Variants in PPP2R2B observed in about 807,000 individuals in gnomAD.
PPP2R2B encodes the protein protein phosphatase 2 regulatory subunit Bbeta.
A neutral mutation model predicts 46.0 loss-of-function variants in PPP2R2B; 5 were observed. The ratio of observed to expected loss-of-function variants is 0.11; its 90% CI spans 0.06 to 0.23. PPP2R2B has a LOEUF of 0.23. Ranked by LOEUF, PPP2R2B falls within the 10% of genes least tolerant of loss-of-function variation. The pLI, the probability that PPP2R2B is intolerant of heterozygous loss-of-function variation, is 1.00. For missense variants in PPP2R2B, 367 were observed against 575.0 expected (o/e 0.64, Z 3.70); for synonymous variants, 215 against 206.7 (o/e 1.04, Z -0.34).
intron 4 of PPP2R2B, among the ~76,000 whole-genome samples, chr5:146,697,283 G>A (rs909910091): frequency 3.9e-5 from 6 of 152,074 alleles, no homozygotes; most frequent in African/African-American, 9.7e-5. Flanking sequence ...AGCTTAGATG[G>A]CTTCTTTTAG....
At chr5:146,876,487 C>T (rs972312908) in intron 2 of PPP2R2B, among the ~76,000 whole-genome samples, 3 of 152,202 alleles carry the variant, frequency 2.0e-5, no homozygotes, top group Non-Finnish European at 4.4e-5. Flanking sequence ...GCCAACTTCT[C>T]TCTTGGATGA....
Position 146,588,935 on chromosome 5 carries a change from A to AG in PPP2R2B, c.*1011dup, listed in dbSNP as rs550786809. ...ACTTTTGGTTACCAAAACCAGGAGG[A>AG]GGGGAGGGTGCTGCTTAGGAGAAAC... is the stretch of plus-strand genomic sequence containing the variant. On this transcript the variant is annotated 3_prime_UTR_variant, in exon 10 of 10. Transcript: ENST00000394411. The AG allele has an allele frequency of 1.2e-3, 185 of 152,260 alleles. No individual in the cohort carries two copies. The highest frequency in any genetic ancestry group is 4.3e-3 in the African/African-American group (180 of 41,512). The allele number at this position is 152,260 out of a possible 1,614,324, so 9.4% of individuals were successfully genotyped here.
At chr5:146,778,744 A>C (rs992565757) in intron 2 of PPP2R2B, among the ~76,000 whole-genome samples, 1 of 152,256 alleles carries the variant, frequency 6.6e-6, no homozygotes, top group African/African-American at 2.4e-5. Flanking sequence ...CACAGTCATC[A>C]GAATACATAA....
intron 8 of PPP2R2B, among the ~76,000 whole-genome samples, chr5:146,593,883 A>C (rs533118448): frequency 1.3e-5 from 2 of 152,340 alleles, no homozygotes; most frequent in East Asian, 3.9e-4. Flanking sequence ...ATGGATCCTA[A>C]GGGTGCAAAG....
At chr5:146,829,900 T>C (rs1244975402) in intron 2 of PPP2R2B, among the ~76,000 whole-genome samples, 1 of 152,214 alleles carries the variant, frequency 6.6e-6, no homozygotes, top group Non-Finnish European at 1.5e-5. Context: ...CTCATTGTGT[T>C]TCATGTTTGC....
intron 1 of PPP2R2B, among the ~76,000 whole-genome samples, chr5:146,942,580 A>G (rs1455434477): frequency 6.6e-6 from 1 of 152,168 alleles, no homozygotes; most frequent in Non-Finnish European, 1.5e-5. Flanking sequence ...ATGCATTTTT[A>G]TACATATTAT....
chr5:146,861,465 A>G (rs535038611), intron 2 of PPP2R2B, among the ~76,000 whole-genome samples: 42 of 152,286 alleles, frequency 2.8e-4, no homozygotes, highest in African/African-American at 8.9e-4. Flanking sequence ...TTCTGGGATT[A>G]CAGGCGTGAG....
At chr5:146,816,409 A>G (rs1757936455) in intron 2 of PPP2R2B, among the ~76,000 whole-genome samples, 3 of 152,194 alleles carry the variant, frequency 2.0e-5, no homozygotes, top group South Asian at 4.1e-4. Flanking sequence ...AAAAACAACA[A>G]TACTGAAACA....
At chr5:146,890,902 T>G (rs1375394143) in intron 1 of PPP2R2B, among the ~76,000 whole-genome samples, 1 of 152,118 alleles carries the variant, frequency 6.6e-6, no homozygotes, top group African/African-American at 2.4e-5. Flanking sequence ...GCAACATAGT[T>G]TAGAGCACTT....
intron 1 of PPP2R2B, among the ~76,000 whole-genome samples, chr5:146,945,518 A>G (rs142575996): frequency 6.6e-5 from 10 of 152,298 alleles, no homozygotes; most frequent in African/African-American, 2.4e-4. Flanking sequence ...TATATTGACT[A>G]CCTTGCTCCC....
At chr5:146,867,874 A>G (rs1261083137) in intron 2 of PPP2R2B, among the ~76,000 whole-genome samples, 1 of 152,200 alleles carries the variant, frequency 6.6e-6, no homozygotes, top group Admixed American at 6.5e-5. Context: ...TTGAATTGTT[A>G]AATTTTCTTT....
intron 2 of PPP2R2B, among the ~76,000 whole-genome samples, chr5:146,757,581 A>T (rs892789926): frequency 6.6e-6 from 1 of 152,156 alleles, no homozygotes; most frequent in African/African-American, 2.4e-5. Flanking sequence ...GAAAACATAG[A>T]TGGCCTCACT....
chr5:146,701,292 C>A, intron 2 of PPP2R2B, 150 bp from the exon 3 acceptor site: 2 of 813,786 alleles, frequency 2.5e-6, no homozygotes, highest in South Asian at 1.4e-5. Flanking sequence ...GTTTTAAATG[C>A]CACCAGAAGT....
intron 1 of PPP2R2B, among the ~76,000 whole-genome samples, chr5:146,983,391 AG>A: frequency 6.6e-6 from 1 of 152,182 alleles, no homozygotes; most frequent in Non-Finnish European, 1.5e-5. Context: ...CATGTTAGCC[AG>A]GATGGTCTTG....
chr5:146,890,760 A>C (rs900678522), intron 1 of PPP2R2B, among the ~76,000 whole-genome samples: 1 of 152,206 alleles, frequency 6.6e-6, no homozygotes, highest in Non-Finnish European at 1.5e-5. Flanking sequence ...AGGACTGAAC[A>C]AAGGATGAAA....
At chr5:146,980,106 A>C (rs985911853) in intron 1 of PPP2R2B, among the ~76,000 whole-genome samples, 3 of 152,186 alleles carry the variant, frequency 2.0e-5, no homozygotes, top group Non-Finnish European at 4.4e-5. Flanking sequence ...TGTTATGGAG[A>C]GATGCCAATG....
At chr5:146,598,848 C>T (rs916861971) in intron 8 of PPP2R2B, among the ~76,000 whole-genome samples, 11 of 152,156 alleles carry the variant, frequency 7.2e-5, no homozygotes, top group East Asian at 1.9e-4. Context: ...CACAGTTTCT[C>T]CTCCCCAGCA....
intron 2 of PPP2R2B, among the ~76,000 whole-genome samples, chr5:146,759,169 G>T (rs946708770): frequency 2.6e-5 from 4 of 152,172 alleles, no homozygotes; most frequent in African/African-American, 9.6e-5. Context: ...CCATGTTGAT[G>T]TCATTTTTCT....
intron 2 of PPP2R2B, among the ~76,000 whole-genome samples, chr5:146,818,258 T>C (rs779290822): frequency 6.6e-6 from 1 of 152,074 alleles, no homozygotes; most frequent in Non-Finnish European, 1.5e-5. Context: ...TAGCACTTAG[T>C]ACTGTGTCTG....
Sources: allele counts gnomAD v4.1 joint callset (sites outside exome capture counted in the v4.1 genomes callset), GRCh38; gene constraint gnomAD v4.1.1; transcripts MANE v1.5; gene names NCBI Gene and HGNC (gene_info 2026-07-23, HGNC 2026-07-21).